The following NFATC2 variants were observed in gnomAD, a reference collection of about 807,000 sequenced individuals.
NFATC2 encodes the protein nuclear factor of activated T cells 2.
In NFATC2, 22 loss-of-function variants were observed where a neutral mutation model predicts 87.3. The observed-to-expected ratio is 0.25, with a 90% confidence interval of 0.18 to 0.36. The LOEUF (loss-of-function observed/expected upper bound fraction) is 0.36, where lower values mean the gene tolerates loss of function less well. NFATC2 is among the 10% of genes least tolerant of loss of function. The pLI, the probability that NFATC2 is intolerant of heterozygous loss-of-function variation, is 1.00. For synonymous variants in NFATC2, 565 were observed against 542.2 expected, an observed-to-expected ratio of 1.04 and a Z score of -0.58; for missense variants, 1,149 against 1,259.1, an observed-to-expected ratio of 0.91 and a Z score of 1.32.
chr20:51,504,503 C>T (rs182262819), intron 3 of NFATC2, among the ~76,000 whole-genome samples: 1 of 152,340 alleles, frequency 6.6e-6, no homozygotes, highest in Admixed American at 6.5e-5. Context: ...GGAAAATTAT[C>T]TCAAGGTCGT....
chr20:51,507,098 G>A (rs572059910), intron 3 of NFATC2, among the ~76,000 whole-genome samples: 5 of 152,314 alleles, frequency 3.3e-5, no homozygotes, highest in African/African-American at 1.2e-4. Context: ...CCATGCCTGG[G>A]GCGTGATGCT....
chr20:51,530,080 G>A (rs921927777), intron 1 of NFATC2, among the ~76,000 whole-genome samples: 6 of 152,152 alleles, frequency 3.9e-5, no homozygotes, highest in Admixed American at 2.6e-4. Flanking sequence ...TCAAGACCTA[G>A]GAACAGGGAA....
At chr20:51,393,996 T>C (rs1986688756) in intron 10 of NFATC2, among the ~76,000 whole-genome samples, 1 of 151,662 alleles carries the variant, frequency 6.6e-6, no homozygotes, top group African/African-American at 2.4e-5. Flanking sequence ...TGGTCCTGCT[T>C]TCTGGGAGTT....
chr20:51,548,968 C>T (rs535683448), intron 1 of NFATC2, among the ~76,000 whole-genome samples: 33 of 152,314 alleles, frequency 2.2e-4, no homozygotes, highest in Admixed American at 3.9e-4. Context: ...GACTCAATGG[C>T]TTCAGGGAAA....
At chr20:51,399,588 C>T (rs1987763471) in intron 9 of NFATC2, among the ~76,000 whole-genome samples, 2 of 152,218 alleles carry the variant, frequency 1.3e-5, no homozygotes, top group African/African-American at 4.8e-5. Flanking sequence ...AGCGCTTATG[C>T]AGTTAGAGGC....
intron 9 of NFATC2, among the ~76,000 whole-genome samples, chr20:51,418,126 C>T (rs1330983399): frequency 3.3e-5 from 5 of 152,224 alleles, no homozygotes; most frequent in Non-Finnish European, 4.4e-5. Flanking sequence ...CATGGGGAGA[C>T]ACTAGTTCCC....
chr20:51,501,882 T>C (rs563337400), intron 3 of NFATC2, among the ~76,000 whole-genome samples: 1 of 152,310 alleles, frequency 6.6e-6, no homozygotes, highest in African/African-American at 2.4e-5. Context: ...ACATACAGTC[T>C]CTGTTGCAAG....
chr20:51,489,359 T>C (rs2075843270), intron 3 of NFATC2, among the ~76,000 whole-genome samples: 1 of 152,212 alleles, frequency 6.6e-6, no homozygotes, highest in Admixed American at 6.5e-5. Flanking sequence ...TGAGGTGACC[T>C]GGAGTTGAAC....
chr20:51,431,985 G>T, intron 9 of NFATC2, 82 bp downstream of exon 9: 2 of 1,384,780 alleles, frequency 1.4e-6, no homozygotes, highest in Non-Finnish European at 1.9e-6. Flanking sequence ...TACGGAATCC[G>T]TAGGCCATGC....
chr20:51,540,169 T>C (rs1676170279), intron 1 of NFATC2, among the ~76,000 whole-genome samples: 1 of 152,174 alleles, frequency 6.6e-6, no homozygotes. Flanking sequence ...CCTTCCACCA[T>C]GCCTGGCTAA....
At chr20:51,504,655 C>T (rs982422784) in intron 3 of NFATC2, among the ~76,000 whole-genome samples, 1 of 152,198 alleles carries the variant, frequency 6.6e-6, no homozygotes, top group Non-Finnish European at 1.5e-5. Context: ...CAGTTAAGAG[C>T]GTGGGCTTTT....
Position 51,532,409 on chromosome 20 carries a change from G to T in NFATC2, c.131-8299C>A, listed in dbSNP as rs570415435. On this transcript the variant is annotated intron_variant, in intron 1 of 10. Transcript: ENST00000371564. ...CCTGACCCTGACACAGGGAAGCAAG[G>T]ATCCCCCCCGGAAAAGAAATCACTC... is the stretch of plus-strand genomic sequence containing the variant. 3.3e-5 allele frequency among the ~76,000 whole-genome samples: 5 copies of T among 152,184 alleles called. No homozygotes were observed. In the East Asian group the frequency reaches 9.7e-4, roughly 29 times the overall value.
intron 6 of NFATC2, among the ~76,000 whole-genome samples, chr20:51,441,176 G>A (rs1014520803): frequency 1.3e-5 from 2 of 152,156 alleles, no homozygotes; most frequent in African/African-American, 2.4e-5. Context: ...CCAGCTACTC[G>A]GGAGGCTGAG....
At chr20:51,408,511 T>TAAAAAAAAAAAAAAAA in intron 9 of NFATC2, among the ~76,000 whole-genome samples, 1 of 125,348 alleles carries the variant, frequency 8.0e-6, no homozygotes, top group South Asian at 2.4e-4. Flanking sequence ...AAGACTCTTT[T>TAAAAAAAAAAAAAAAA]TAAAAAAAAA....
At chr20:51,446,869 C>T (rs576482525) in intron 6 of NFATC2, among the ~76,000 whole-genome samples, 7 of 152,270 alleles carry the variant, frequency 4.6e-5, no homozygotes, top group South Asian at 2.1e-4. Context: ...GGCAAAGGTC[C>T]GGAGAGCCTT....
chr20:51,428,827 A>C (rs1982257783), intron 9 of NFATC2, among the ~76,000 whole-genome samples: 1 of 152,256 alleles, frequency 6.6e-6, no homozygotes, highest in African/African-American at 2.4e-5. Context: ...AGGAAAGCCC[A>C]CTTTGGCAAA....
At chr20:51,439,092 C>T (rs969323773) in intron 6 of NFATC2, among the ~76,000 whole-genome samples, 1 of 152,198 alleles carries the variant, frequency 6.6e-6, no homozygotes, top group African/African-American at 2.4e-5. Flanking sequence ...CAAGCCCTTC[C>T]CTGCTTTGCT....
intron 1 of NFATC2, among the ~76,000 whole-genome samples, chr20:51,541,829 C>T (rs2076821781): frequency 6.6e-6 from 1 of 152,194 alleles, no homozygotes; most frequent in African/African-American, 2.4e-5. Context: ...ACACAAAGTC[C>T]CCGTCAACCA....
chr20:51,474,963 C>CTTTTTTTTTT (rs1387504137), intron 4 of NFATC2, among the ~76,000 whole-genome samples: 2 of 147,162 alleles, frequency 1.4e-5, no homozygotes, highest in African/African-American at 2.6e-5. Context: ...ACATATTATA[C>CTTTTTTTTTT]TTTATTTATT....
Sources: allele counts gnomAD v4.1 joint callset (sites outside exome capture counted in the v4.1 genomes callset), GRCh38; gene constraint gnomAD v4.1.1; transcripts MANE v1.5; gene names NCBI Gene and HGNC (gene_info 2026-07-23, HGNC 2026-07-21).